Variants in PARN observed in about 807,000 individuals in gnomAD.
PARN encodes poly(A)-specific ribonuclease PARN.
A neutral mutation model predicts 102.8 loss-of-function variants in PARN; 71 were observed. The ratio of observed to expected loss-of-function variants is 0.69; its 90% CI spans 0.57 to 0.84. The LOEUF is 0.84. Ranked by LOEUF, PARN falls within the 40% of genes least tolerant of loss-of-function variation. The probability of loss-of-function intolerance (pLI) is 0.00; values close to 1 mark genes in which losing one functional copy is unlikely to be tolerated. For synonymous variants in PARN, 261 were observed against 252.9 expected (o/e 1.03, Z -0.30); for missense variants, 782 against 760.9 (o/e 1.03, Z -0.33).
At chr16:14,461,640 G>A (rs891904172) in intron 22 of PARN, among the ~76,000 whole-genome samples, 1 of 152,220 alleles carries the variant, frequency 6.6e-6, no homozygotes. Flanking sequence ...TCTGGCTGCA[G>A]ATTTACAGTA....
chr16:14,468,153 T>C (rs1053467309), intron 22 of PARN, among the ~76,000 whole-genome samples: 4 of 152,124 alleles, frequency 2.6e-5, no homozygotes, highest in African/African-American at 9.7e-5. Flanking sequence ...AGCAGGCATT[T>C]TGTAAAGAGC....
intron 23 of PARN, among the ~76,000 whole-genome samples, chr16:14,442,603 C>G (rs1960993141): frequency 6.6e-6 from 1 of 152,008 alleles, no homozygotes; most frequent in Non-Finnish European, 1.5e-5. Context: ...TCCCTCCCTC[C>G]TCTCTCTTTC....
Position 14,528,951 on chromosome 16 carries a change from G to C in PARN, c.1480+23070C>G, listed in dbSNP as rs117463361. 3.3e-5 allele frequency among the ~76,000 whole-genome samples: 5 copies of C among 152,194 alleles called. No homozygotes were observed. In the East Asian group the frequency reaches 7.7e-4, roughly 23 times the overall value. ...GTAGAGATCTTTCCCTGCAAGAAAC[G>C]AGAGAAAAAACATTTTCTCTTTACA... On this transcript the variant is annotated intron_variant, in intron 21 of 23. Coordinates refer to ENST00000437198, the MANE Select transcript of PARN (RefSeq NM_002582.4).
intron 18 of PARN, among the ~76,000 whole-genome samples, chr16:14,578,993 C>CT (rs937652777): frequency 3.6e-4 from 53 of 145,878 alleles, no homozygotes; most frequent in East Asian, 1.6e-3. Context: ...GCTTTTTTTT[C>CT]TTTTTTTTTT....
chr16:14,630,237 A>G lies in PARN; in HGVS notation c.-112T>C, dbSNP rs1381603271. 14 of 952,384 alleles carry G rather than the reference A, an allele frequency of 1.5e-5. No homozygotes were observed. The South Asian group carries it at 1.9e-4, about 13-fold the overall frequency. The allele number at this position is 952,384 out of a possible 1,614,324, so 59.0% of individuals were successfully genotyped here. On this transcript the variant is annotated 5_prime_UTR_variant, in exon 1 of 24. Coordinates refer to ENST00000437198, the MANE Select transcript of PARN (RefSeq NM_002582.4). Reference sequence around the variant, plus strand: ...AGTAGCTGAGGCAGCCGCAGCGGTGACGCCGGCCGCGACTTCCGGAAACAG... The same window carrying G: ...AGTAGCTGAGGCAGCCGCAGCGGTGGCGCCGGCCGCGACTTCCGGAAACAG...
In PARN at chr16:14,482,763, T is replaced by C. The variant is rs2151597304; in HGVS notation, c.1545A>G (p.Arg515=). ...RIQTYAEYMG[R]KQEEKQIKRK... is the part of the protein sequence containing the mutation. ...TTTTGATCTGCTTCTCTTCCTGTTT[T>C]CTCCCCATATATTCAGCATAGGTTT... Residue 515 remains arginine, a synonymous_variant, in exon 22 of 24, where the codon AGA becomes AGG. Transcript: ENST00000437198. 1.2e-6 allele frequency: 2 copies of C among 1,613,918 alleles called. No homozygotes were observed. Among genetic ancestry groups the C allele is most frequent in the Non-Finnish European group, 1.7e-6 (2 of 1,179,832 alleles).
intron 21 of PARN, among the ~76,000 whole-genome samples, chr16:14,486,111 C>T (rs1963672215): frequency 6.6e-6 from 1 of 151,804 alleles, no homozygotes; most frequent in African/African-American, 2.4e-5. Flanking sequence ...TCCCAGCACT[C>T]TGGGAGGCCA....
At chr16:14,472,943 T>C (rs1962832485) in intron 22 of PARN, among the ~76,000 whole-genome samples, 1 of 152,188 alleles carries the variant, frequency 6.6e-6, no homozygotes, top group Non-Finnish European at 1.5e-5. Context: ...TGCATCCTGA[T>C]TGTCATCTCT....
chr16:14,623,938 A>G (rs1413273601), intron 5 of PARN, among the ~76,000 whole-genome samples: 1 of 152,204 alleles, frequency 6.6e-6, no homozygotes, highest in African/African-American at 2.4e-5. Flanking sequence ...TATGAATTCA[A>G]CTACAGATCT....
chr16:14,532,257 A>C (rs1021747086), intron 21 of PARN, among the ~76,000 whole-genome samples: 1 of 151,022 alleles, frequency 6.6e-6, no homozygotes, highest in East Asian at 1.9e-4. Flanking sequence ...GACAATAGTG[A>C]AGGGAAGGTC....
chr16:14,561,354 C>T (rs544506144), intron 18 of PARN, among the ~76,000 whole-genome samples: 7 of 152,234 alleles, frequency 4.6e-5, no homozygotes, highest in African/African-American at 1.2e-4. Context: ...AATTCCCAAG[C>T]GCCATCCAAG....
chr16:14,587,542 C>T (rs1245824635), intron 13 of PARN, among the ~76,000 whole-genome samples: 2 of 152,136 alleles, frequency 1.3e-5, no homozygotes, highest in Non-Finnish European at 2.9e-5. Flanking sequence ...CTATGTTGCC[C>T]AGACTAGCCT....
At chr16:14,572,893 CTTTTT>C (rs756874245) in intron 18 of PARN, among the ~76,000 whole-genome samples, 2 of 144,980 alleles carry the variant, frequency 1.4e-5, no homozygotes, top group African/African-American at 5.0e-5. Context: ...TGTATTTTTT[CTTTTT>C]TTTTTTTTGA....
At chr16:14,464,336 G>A (rs1454137067) in intron 22 of PARN, among the ~76,000 whole-genome samples, 2 of 152,018 alleles carry the variant, frequency 1.3e-5, no homozygotes, top group Non-Finnish European at 2.9e-5. Flanking sequence ...AAAAATATGG[G>A]GATGACAACA....
At position 14,563,577 on chromosome 16, in the gene PARN, G is replaced by A. The variant is rs115061135; in HGVS notation, c.1263-7868C>T. Among the ~76,000 whole-genome samples, 466 of 151,040 alleles carry A rather than the reference G, an allele frequency of 3.1e-3. 4 individuals carry two copies. Among genetic ancestry groups the A allele is most frequent in the African/African-American group, 0.011 (448 of 41,106 alleles). On this transcript the variant is annotated intron_variant, in intron 18 of 23. Coordinates refer to ENST00000437198, the MANE Select transcript of PARN (RefSeq NM_002582.4). ...TGTGCAGGACACGCAGGTTAAATATGTATCTTTTAAATTGAGACAGGGTCT... is the reference window on the plus strand; with the variant it reads ...TGTGCAGGACACGCAGGTTAAATATATATCTTTTAAATTGAGACAGGGTCT...
At chr16:14,457,915 T>G (rs552796144) in intron 22 of PARN, among the ~76,000 whole-genome samples, 56 of 135,398 alleles carry the variant, frequency 4.1e-4, no homozygotes, top group African/African-American at 9.5e-4. Flanking sequence ...GGTGTGTGTG[T>G]GGGGGTGTGT....
chr16:14,502,072 T>C (rs1360264185), intron 21 of PARN, among the ~76,000 whole-genome samples: 1 of 152,206 alleles, frequency 6.6e-6, no homozygotes, highest in Non-Finnish European at 1.5e-5. Flanking sequence ...GTGTACACTC[T>C]GGGGTAGACA....
At chr16:14,626,851 T>C (rs1972703384) in intron 5 of PARN, among the ~76,000 whole-genome samples, 1 of 152,030 alleles carries the variant, frequency 6.6e-6, no homozygotes, top group Non-Finnish European at 1.5e-5. Context: ...TCTCCTGACC[T>C]CATGATCCGC....
chr16:14,562,153 G>C (rs774969224), intron 18 of PARN, among the ~76,000 whole-genome samples: 14 of 151,724 alleles, frequency 9.2e-5, no homozygotes, highest in Non-Finnish European at 2.1e-4. Flanking sequence ...GAAAAGAAAA[G>C]TACAAAACTT....
Sources: gnomAD v4.1 joint callset for allele counts (sites outside exome capture counted in the v4.1 genomes callset) on GRCh38, gnomAD v4.1.1 for gene constraint, MANE v1.5 for transcripts, NCBI Gene and HGNC (gene_info 2026-07-23, HGNC 2026-07-21) for gene names.